RBM6: variants seen among roughly 807,000 people sequenced by gnomAD.
The protein encoded by RBM6 is RNA binding motif protein 6, also known as RNA-binding protein 6.
RBM6 carries 23 observed loss-of-function variants against 140.4 expected under a neutral mutation model. That is an observed-to-expected ratio of 0.16 (90% CI 0.12 to 0.23). RBM6 has a LOEUF of 0.23. RBM6 is among the 10% of genes least tolerant of loss of function. The pLI, the probability that RBM6 is intolerant of heterozygous loss-of-function variation, is 1.00. For missense variants in RBM6, 1,139 were observed against 1,386.7 expected (o/e 0.82, Z 2.84); for synonymous variants, 439 against 475.6 (o/e 0.92, Z 1.00).
chr3:50,032,741 C>T (rs930505637), intron 6 of RBM6, among the ~76,000 whole-genome samples: 38 of 152,068 alleles, frequency 2.5e-4, no homozygotes, highest in African/African-American at 8.9e-4. Flanking sequence ...AATCCCAGCA[C>T]TTTGGGAGGC....
intron 6 of RBM6, among the ~76,000 whole-genome samples, chr3:50,040,893 C>T (rs2088880970): frequency 6.6e-6 from 1 of 152,062 alleles, no homozygotes; most frequent in African/African-American, 2.4e-5. Context: ...AATCCACCTG[C>T]CTTGACCTCC....
intron 6 of RBM6, among the ~76,000 whole-genome samples, chr3:50,018,086 A>G (rs1335735014): frequency 2.6e-5 from 4 of 152,206 alleles, no homozygotes; most frequent in South Asian, 2.1e-4. Flanking sequence ...TGTACCTTCT[A>G]TGGGTTTCCA....
At chr3:50,014,606 T>C (rs1330684744) in intron 6 of RBM6, among the ~76,000 whole-genome samples, 1 of 152,222 alleles carries the variant, frequency 6.6e-6, no homozygotes, top group African/African-American at 2.4e-5. Flanking sequence ...TAGGCTTTAC[T>C]TCACAGGGCC....
chr3:49,948,151 C>T (rs1442915433), intron 1 of RBM6, among the ~76,000 whole-genome samples: 1 of 152,104 alleles, frequency 6.6e-6, no homozygotes, highest in Non-Finnish European at 1.5e-5. Context: ...CTGGTCTCTC[C>T]ATTCAGTTGA....
intron 6 of RBM6, among the ~76,000 whole-genome samples, chr3:50,011,839 C>CTTTTTTTTTTTT (rs201167549): frequency 7.0e-6 from 1 of 143,688 alleles, no homozygotes; most frequent in Non-Finnish European, 1.5e-5. Context: ...TCTTTTCTTT[C>CTTTTTTTTTTTT]TTTTTTTTTT....
At chr3:49,956,661 A>ATTAT (rs985726731) in intron 1 of RBM6, among the ~76,000 whole-genome samples, 3 of 121,874 alleles carry the variant, frequency 2.5e-5, no homozygotes, top group South Asian at 2.5e-4. Context: ...TTTATTTTTT[A>ATTAT]TTATTTATTT....
chr3:49,986,180 G>T (rs2085545902), intron 5 of RBM6, among the ~76,000 whole-genome samples: 1 of 151,318 alleles, frequency 6.6e-6, no homozygotes, highest in Non-Finnish European at 1.5e-5. Flanking sequence ...TTTTAGTAGA[G>T]ACGGGGTTTC....
rs10663019 is a variant in RBM6 at position 50,061,560 on chromosome 3, C to CTTTTTTTTTTTTTTTTTTTTTTTTTT, written c.2439+37_2439+38insTTTTTTTTTTTTTTTTTTTTTTTTTT. The CTTTTTTTTTTTTTTTTTTTTTTTTTT allele has an allele frequency of 1.5e-5, 19 of 1,270,294 alleles. 3 individuals carry two copies. The highest frequency in any genetic ancestry group is 1.0e-4 in the East Asian group (3 of 29,674). The allele number at this position is 1,270,294 out of a possible 1,614,324, so 78.7% of individuals were successfully genotyped here. A position where few individuals can be genotyped will look rare whatever the true frequency, so the allele number is the denominator to read the frequency against. On this transcript the variant is annotated intron_variant, in intron 14 of 20. Coordinates refer to ENST00000266022, the MANE Select transcript of RBM6 (RefSeq NM_005777.3). ...CCCCAATACCCAGGTGAGTTTGGGGCTTTTTTTTTTTTTTTTTTTTTTTTA... is the reference window on the plus strand; with the variant it reads ...CCCCAATACCCAGGTGAGTTTGGGGCTTTTTTTTTTTTTTTTTTTTTTTTTTTTTTTTTTTTTTTTTTTTTTTTTTA...
In RBM6 at chr3:49,962,672, A is replaced by T. The variant is rs1311950849; in HGVS notation, c.31A>T (p.Thr11Ser). Reference protein sequence around the residue: MWGDSRPANRTGPFRGSQEER... With the variant: MWGDSRPANRSGPFRGSQEER... ...GGGGGATTCTCGACCTGCTAACAGA[A>T]CTGGACCTTTTCGGTAAGTTCTCAA... is the stretch of plus-strand genomic sequence containing the variant. Residue 11 changes from threonine to serine, a missense_variant, in exon 2 of 21, where the codon ACT becomes TCT. By Grantham distance (58) the Thr-to-Ser change is moderately conservative (BLOSUM62 1). Around this residue, in one of 9 missense-constraint regions of RBM6, gnomAD observed 566 missense variants for 612.7 expected, o/e 0.92. Transcript: ENST00000266022. 6.3e-7 allele frequency: 1 copy of T among 1,576,302 alleles called. No homozygotes were observed. The highest frequency in any genetic ancestry group is 2.3e-5 in the East Asian group (1 of 42,634).
At chr3:49,971,386 A>G (rs1419795119) in intron 3 of RBM6, among the ~76,000 whole-genome samples, 18 of 150,474 alleles carry the variant, frequency 1.2e-4, no homozygotes, top group Admixed American at 9.9e-4. Flanking sequence ...CGGAGGCTGC[A>G]GTGGGCTGAG....
chr3:49,944,118 C>A (rs1294055638), intron 1 of RBM6, among the ~76,000 whole-genome samples: 1 of 152,052 alleles, frequency 6.6e-6, no homozygotes, highest in African/African-American at 2.4e-5. Flanking sequence ...TTTCATCTTC[C>A]CAAACTGAGT....
intron 6 of RBM6, among the ~76,000 whole-genome samples, chr3:50,031,332 C>G (rs1022911363): frequency 2.6e-5 from 4 of 152,106 alleles, no homozygotes; most frequent in Admixed American, 6.6e-5. Flanking sequence ...GGAACCAATC[C>G]AAATGTCCAT....
chr3:49,968,776 T>TTC, intron 3 of RBM6, 28 bp downstream of exon 3: 3 of 875,718 alleles, frequency 3.4e-6, no homozygotes, highest in Non-Finnish European at 4.8e-6. Flanking sequence ...ATTGCTTTTT[T>TTC]TTTTTTTTTT....
At chr3:49,999,671 G>A (rs2086236265) in intron 6 of RBM6, among the ~76,000 whole-genome samples, 158 bp downstream of exon 6, 3 of 151,990 alleles carry the variant, frequency 2.0e-5, no homozygotes, top group Admixed American at 2.0e-4. Flanking sequence ...TCTTTAAAAA[G>A]GCTGGAAAGC....
chr3:49,993,646 GA>G lies in RBM6; in HGVS notation c.1484-5785del, dbSNP rs538965305. On this transcript the variant is annotated intron_variant, in intron 5 of 20. Transcript: ENST00000266022. ...GACAGAGTGAGACTCTGTCTCAAAAGAAAAAAAAATTTAAGAAATAATCATC... is the reference window on the plus strand; with the variant it reads ...GACAGAGTGAGACTCTGTCTCAAAAGAAAAAAAATTTAAGAAATAATCATC... 6.3e-4 allele frequency among the ~76,000 whole-genome samples: 92 copies of G among 147,196 alleles called. 3 individuals are homozygous for G. Among genetic ancestry groups the G allele is most frequent in the Admixed American group, 5.6e-3 (82 of 14,762 alleles).
intron 5 of RBM6, among the ~76,000 whole-genome samples, chr3:49,991,281 C>A (rs1001745319): frequency 6.6e-6 from 1 of 152,170 alleles, no homozygotes; most frequent in Admixed American, 6.5e-5. Flanking sequence ...GATGTATTCA[C>A]CAATCAGGAA....
At chr3:49,985,397 C>T (rs2085508779) in intron 5 of RBM6, among the ~76,000 whole-genome samples, 1 of 152,172 alleles carries the variant, frequency 6.6e-6, no homozygotes, top group Non-Finnish European at 1.5e-5. Context: ...GCGACCTATG[C>T]TGCTCACTGT....
chr3:50,004,269 C>A (rs555987759), intron 6 of RBM6, among the ~76,000 whole-genome samples: 1 of 149,842 alleles, frequency 6.7e-6, no homozygotes, highest in Admixed American at 6.8e-5. Flanking sequence ...CTTTCCTTTC[C>A]TTTTTCTTTT....
chr3:50,070,365 T>A (rs1003285927), intron 18 of RBM6, 90 bp from the exon 19 acceptor site: 36 of 937,134 alleles, frequency 3.8e-5, no homozygotes, highest in Non-Finnish European at 5.7e-5. Flanking sequence ...AAGAAAAAAA[T>A]AATAATAATA....
Sources: allele counts gnomAD v4.1 joint callset (sites outside exome capture counted in the v4.1 genomes callset), GRCh38; gene constraint gnomAD v4.1.1; regional missense constraint gnomAD v4.1.1; transcripts MANE v1.5; gene names NCBI Gene and HGNC (gene_info 2026-07-23, HGNC 2026-07-21).